Variants in SPICE1 observed in about 807,000 individuals in gnomAD.
SPICE1 encodes the protein spindle and centriole associated protein 1, also known as spindle and centriole-associated protein 1.
In SPICE1, 75 loss-of-function variants were observed where a neutral mutation model predicts 102.7. That is an observed-to-expected ratio of 0.73 (90% CI 0.61 to 0.88). SPICE1 has a LOEUF of 0.88. Ranked by LOEUF, SPICE1 falls within the 40% of genes least tolerant of loss-of-function variation. The pLI is 0.00. For synonymous variants in SPICE1, 308 were observed against 350.3 expected (o/e 0.88, Z 1.35); for missense variants, 979 against 1,020.1 (o/e 0.96, Z 0.55).
intron 4 of SPICE1, among the ~76,000 whole-genome samples, chr3:113,495,311 T>G (rs1307967137): frequency 6.6e-6 from 1 of 152,242 alleles, no homozygotes; most frequent in Non-Finnish European, 1.5e-5. Flanking sequence ...CTTACCAGAA[T>G]TTCTCTATAC....
Position 113,460,772 on chromosome 3 carries a change from G to A in SPICE1, c.1288-8C>T, listed in dbSNP as rs1206204565. 8 of 1,575,552 alleles carry A rather than the reference G, an allele frequency of 5.1e-6. No individual in the cohort carries two copies. Among genetic ancestry groups the A allele is most frequent in the South Asian group, 2.4e-5 (2 of 83,738 alleles). ...GTACTGCTGAAGTCTTGCCTGGGGAGGAAAACATATGAAATAATATTATTA... is the reference window on the plus strand; with the variant it reads ...GTACTGCTGAAGTCTTGCCTGGGGAAGAAAACATATGAAATAATATTATTA... On this transcript the variant is annotated splice_region_variant and splice_polypyrimidine_tract_variant and intron_variant, in intron 11 of 17. Transcript: ENST00000295872.
chr3:113,460,468 G>A (rs1270561250), intron 12 of SPICE1, 149 bp downstream of exon 12: 3 of 1,384,962 alleles, frequency 2.2e-6, no homozygotes, highest in Non-Finnish European at 2.8e-6. Flanking sequence ...ATATTAGCTG[G>A]AAAAGTAGTG....
chr3:113,466,349 T>C (rs1401442680), intron 10 of SPICE1, among the ~76,000 whole-genome samples: 31 of 152,236 alleles, frequency 2.0e-4, no homozygotes, highest in Non-Finnish European at 3.8e-4. Context: ...GGCTCACACC[T>C]GTAATCCCAG....
At position 113,468,232 on chromosome 3, in the gene SPICE1, G is replaced by A. The variant is rs758379923; in HGVS notation, c.1062C>T (p.Arg354=). The A allele has an allele frequency of 2.4e-5, 39 of 1,613,902 alleles. No homozygotes were observed. The highest frequency in any genetic ancestry group is 2.7e-5 in the African/African-American group (2 of 74,884). ...EMEEYERWTG[R]EVKGLQSSQG... is the part of the protein sequence containing the mutation. ...GACTGCTCTGCAGACCCTTGACCTC[G>A]CGACCTGTCCACCGCTCATATTCTT... The change falls in exon 10 of 18, where the codon CGC becomes CGT. Residue 354 remains arginine, a synonymous_variant. Coordinates refer to ENST00000295872, the MANE Select transcript of SPICE1 (RefSeq NM_144718.4).
intron 11 of SPICE1, among the ~76,000 whole-genome samples, chr3:113,461,538 C>T (rs1223153795): frequency 6.6e-6 from 1 of 152,040 alleles, no homozygotes; most frequent in East Asian, 1.9e-4. Context: ...AAGGATGATA[C>T]AAGTATGTCA....
intron 7 of SPICE1, 65 bp downstream of exon 7, chr3:113,488,880 G>T: frequency 1.1e-6 from 1 of 881,662 alleles, no homozygotes; most frequent in Non-Finnish European, 1.8e-6. Context: ...GATGCAATAG[G>T]CAAACATTGA....
In SPICE1 at chr3:113,506,606, C is replaced by T. The variant is rs1409163115; in HGVS notation, c.1-1G>A. On this transcript the variant is annotated splice_acceptor_variant, in intron 1 of 17. Coordinates refer to ENST00000295872, the MANE Select transcript of SPICE1 (RefSeq NM_144718.4). LOFTEE classifies it low-confidence loss of function (5UTR_SPLICE). ...AGCGGTTCACTCTGACAAATGACAT[C>T]TAGGAATAATAATCACATCAAATTT... is the stretch of plus-strand genomic sequence containing the variant. The T allele has an allele frequency of 6.2e-7, 1 of 1,609,490 alleles. No homozygotes were observed. Among genetic ancestry groups the T allele is most frequent in the East Asian group, 2.2e-5 (1 of 44,848 alleles).
At chr3:113,488,304 TA>T (rs1408040466) in intron 7 of SPICE1, among the ~76,000 whole-genome samples, 1 of 152,218 alleles carries the variant, frequency 6.6e-6, no homozygotes, top group Non-Finnish European at 1.5e-5. Flanking sequence ...AATAGTTCTT[TA>T]AAAATGTATG....
chr3:113,454,213 T>G (rs1389186438), intron 13 of SPICE1, among the ~76,000 whole-genome samples: 1 of 152,178 alleles, frequency 6.6e-6, no homozygotes, highest in Admixed American at 6.6e-5. Flanking sequence ...TTAACGCATA[T>G]ATTAACTCAC....
intron 11 of SPICE1, among the ~76,000 whole-genome samples, chr3:113,464,882 G>A (rs547235798): frequency 2.0e-5 from 3 of 152,216 alleles, no homozygotes; most frequent in Admixed American, 6.5e-5. Context: ...CAAGGCGGGC[G>A]AATAGCTTGA....
At chr3:113,457,707 G>A (rs925314655) in intron 12 of SPICE1, among the ~76,000 whole-genome samples, 1 of 152,104 alleles carries the variant, frequency 6.6e-6, no homozygotes, top group South Asian at 2.1e-4. Context: ...CACCCAGGCT[G>A]AAGTGCAGTG....
At chr3:113,471,737 T>C (rs1190915477) in intron 7 of SPICE1, among the ~76,000 whole-genome samples, 1 of 151,750 alleles carries the variant, frequency 6.6e-6, no homozygotes, top group Non-Finnish European at 1.5e-5. Flanking sequence ...GAGAAAATAA[T>C]GGAAAGAATA....
At chr3:113,472,674 AG>A (rs1936235564) in intron 7 of SPICE1, among the ~76,000 whole-genome samples, 1 of 152,232 alleles carries the variant, frequency 6.6e-6, no homozygotes, top group South Asian at 2.1e-4. Flanking sequence ...CCAGGCAAAC[AG>A]GGTCTGGAGT....
intron 14 of SPICE1, among the ~76,000 whole-genome samples, chr3:113,451,819 A>G (rs909899222): frequency 1.3e-5 from 2 of 152,098 alleles, no homozygotes; most frequent in African/African-American, 4.8e-5. Flanking sequence ...GTCTACTTCT[A>G]TGATTCAATA....
chr3:113,455,333 A>C (rs1935755809), intron 13 of SPICE1, among the ~76,000 whole-genome samples: 1 of 152,266 alleles, frequency 6.6e-6, no homozygotes, highest in Non-Finnish European at 1.5e-5. Context: ...AAAAGCAGAA[A>C]TAAATCAATA....
intron 1 of SPICE1, chr3:113,514,461 C>T: frequency 2.8e-6 from 1 of 363,578 alleles, no homozygotes; most frequent in Non-Finnish European, 5.4e-6. Context: ...TCCAACTCAG[C>T]TTGGCATTCA....
At chr3:113,499,304 A>G in intron 4 of SPICE1, 135 bp downstream of exon 4, 1 of 952,724 alleles carries the variant, frequency 1.0e-6, no homozygotes, top group Non-Finnish European at 1.4e-6. Context: ...GCTTTTTTTG[A>G]AGTCCACATG....
At chr3:113,466,719 A>G (rs1214483969) in intron 10 of SPICE1, among the ~76,000 whole-genome samples, 1 of 152,192 alleles carries the variant, frequency 6.6e-6, no homozygotes, top group East Asian at 1.9e-4. Context: ...AGGTTTTAAT[A>G]GGTCTGACAA....
Position 113,497,156 on chromosome 3 carries a change from C to A in SPICE1, c.291+2283G>T, listed in dbSNP as rs551073928. 7.2e-5 allele frequency among the ~76,000 whole-genome samples: 11 copies of A among 152,278 alleles called. No homozygotes were observed. In the South Asian group the frequency reaches 2.1e-3, roughly 29 times the overall value. ...GGTGACATGTAATAGGAGTAGCATG[C>A]ACTGTTCTTCCTGTTTCCTGCTGGC... On this transcript the variant is annotated intron_variant, in intron 4 of 17. Transcript: ENST00000295872.
Sources: allele counts gnomAD v4.1 joint callset (sites outside exome capture counted in the v4.1 genomes callset), GRCh38; gene constraint gnomAD v4.1.1; transcripts MANE v1.5; gene names NCBI Gene and HGNC (gene_info 2026-07-23, HGNC 2026-07-21).